Variants in RGS17 observed in about 807,000 individuals in gnomAD.
RGS17 encodes the protein regulator of G-protein signaling 17.
A neutral mutation model predicts 25.5 loss-of-function variants in RGS17; 12 were observed. The observed-to-expected ratio is 0.47, with a 90% CI of 0.30 to 0.76. The LOEUF (loss-of-function observed/expected upper bound fraction) is 0.76. Among genes scored for constraint, RGS17 ranks in the 30% least tolerant of loss-of-function variants. RGS17 has a pLI of 0.07. For missense variants in RGS17, 196 were observed against 242.2 expected (o/e 0.81, Z 1.27); for synonymous variants, 71 against 76.9 (o/e 0.92, Z 0.40).
intron 1 of RGS17, among the ~76,000 whole-genome samples, chr6:153,094,178 C>T (rs770929398): frequency 1.3e-5 from 2 of 151,696 alleles, no homozygotes; most frequent in African/African-American, 2.4e-5. Context: ...CGGGTTCAAG[C>T]GATTCTCATG....
Position 153,007,997 on chromosome 6 carries a change from AT to A in RGS17, c.*3576del, listed in dbSNP as rs1779094473. On this transcript the variant is annotated 3_prime_UTR_variant, in exon 5 of 5. Coordinates refer to ENST00000206262, the MANE Select transcript of RGS17 (RefSeq NM_012419.5). ...AACACCAAAGCATCTAATAATTGGT[AT>A]TTTTTGAGATATAATTTGTCACAAT... The A allele has an allele frequency of 6.6e-6, 1 of 152,198 alleles. No individual in the cohort carries two copies. The highest frequency in any genetic ancestry group is 2.4e-5 in the African/African-American group (1 of 41,462). The allele number at this position is 152,198 out of a possible 1,614,324, so 9.4% of individuals were successfully genotyped here. A position where few individuals can be genotyped will look rare whatever the true frequency, so the allele number is the denominator to read the frequency against.
At chr6:153,025,312 TA>T (rs764258146) in intron 3 of RGS17, among the ~76,000 whole-genome samples, 342 of 139,952 alleles carry the variant, frequency 2.4e-3, no homozygotes, top group Middle Eastern at 3.7e-3. Context: ...ATCCTGCCTC[TA>T]AAAAAAAAAA....
chr6:153,050,684 A>T (rs1390242459), intron 1 of RGS17, among the ~76,000 whole-genome samples: 1 of 152,216 alleles, frequency 6.6e-6, no homozygotes, highest in Non-Finnish European at 1.5e-5. Context: ...TTCACAATAC[A>T]CATAACCTAT....
At chr6:153,021,211 A>G (rs542039291) in intron 4 of RGS17, among the ~76,000 whole-genome samples, 14 of 152,370 alleles carry the variant, frequency 9.2e-5, no homozygotes, top group African/African-American at 3.4e-4. Flanking sequence ...TAGCAAAGGC[A>G]GGATTAAAAT....
intron 1 of RGS17, among the ~76,000 whole-genome samples, chr6:153,068,593 T>C (rs1776741775): frequency 6.6e-6 from 1 of 151,896 alleles, no homozygotes; most frequent in South Asian, 2.1e-4. Flanking sequence ...AACGCAAAAA[T>C]AGTCAAGAGG....
At chr6:153,126,101 G>A (rs916563298) in intron 1 of RGS17, among the ~76,000 whole-genome samples, 1 of 152,128 alleles carries the variant, frequency 6.6e-6, no homozygotes, top group Non-Finnish European at 1.5e-5. Context: ...TTGAAGTAAG[G>A]TATGATTCTA....
intron 1 of RGS17, among the ~76,000 whole-genome samples, chr6:153,090,883 G>A (rs916729153): frequency 6.6e-6 from 1 of 151,946 alleles, no homozygotes; most frequent in African/African-American, 2.4e-5. Flanking sequence ...GGTTTCAGGT[G>A]TCCACAGGGG....
At chr6:153,025,375 G>T (rs1779288614) in intron 3 of RGS17, among the ~76,000 whole-genome samples, 1 of 151,800 alleles carries the variant, frequency 6.6e-6, no homozygotes, top group Non-Finnish European at 1.5e-5. Context: ...CATGAATGGA[G>T]TTATCATAAT....
At chr6:153,050,834 T>A (rs1209096217) in intron 1 of RGS17, among the ~76,000 whole-genome samples, 1 of 152,192 alleles carries the variant, frequency 6.6e-6, no homozygotes, top group African/African-American at 2.4e-5. Context: ...AATTCATATG[T>A]TGAAATGTAA....
At chr6:153,116,683 A>G (rs1272308949) in intron 1 of RGS17, among the ~76,000 whole-genome samples, 3 of 152,244 alleles carry the variant, frequency 2.0e-5, no homozygotes, top group African/African-American at 7.2e-5. Context: ...CCAAAGGCCC[A>G]TGAATGACAG....
intron 1 of RGS17, among the ~76,000 whole-genome samples, chr6:153,093,154 A>G (rs1777156667): frequency 6.6e-6 from 1 of 152,324 alleles, no homozygotes; most frequent in Non-Finnish European, 1.5e-5. Context: ...ATTTGATTCT[A>G]ATTTTGAATA....
At chr6:153,019,269 A>T (rs1779215052) in intron 4 of RGS17, among the ~76,000 whole-genome samples, 1 of 152,216 alleles carries the variant, frequency 6.6e-6, no homozygotes, top group Non-Finnish European at 1.5e-5. Flanking sequence ...CACTAGGCAG[A>T]TTTCTACCTA....
intron 1 of RGS17, among the ~76,000 whole-genome samples, chr6:153,059,533 T>C (rs1338067): frequency 0.38 from 58,399 of 152,086 alleles, 11,905 homozygotes; most frequent in East Asian, 0.62. Flanking sequence ...CTGTGTGGCA[T>C]TGAATTAGTC....
intron 1 of RGS17, among the ~76,000 whole-genome samples, chr6:153,085,712 T>C (rs1777043091): frequency 1.3e-5 from 2 of 152,210 alleles, no homozygotes; most frequent in Non-Finnish European, 2.9e-5. Context: ...ATGGCATTAA[T>C]AAATATTACT....
intron 4 of RGS17, among the ~76,000 whole-genome samples, chr6:153,020,872 T>C (rs1457872123): frequency 6.6e-6 from 1 of 152,160 alleles, no homozygotes; most frequent in Non-Finnish European, 1.5e-5. Context: ...TTAACTGCCT[T>C]GAGTACTGTG....
At chr6:153,071,367 T>C (rs1776801224) in intron 1 of RGS17, among the ~76,000 whole-genome samples, 2 of 152,014 alleles carry the variant, frequency 1.3e-5, no homozygotes, top group South Asian at 4.1e-4. Flanking sequence ...GCTATTCATA[T>C]TGTCATCATA....
intron 1 of RGS17, among the ~76,000 whole-genome samples, chr6:153,115,865 G>T (rs1777536774): frequency 6.6e-6 from 1 of 152,148 alleles, no homozygotes; most frequent in Admixed American, 6.5e-5. Flanking sequence ...AAACTGGCTA[G>T]CCATATGCAG....
chr6:153,057,430 C>T (rs1218308308), intron 1 of RGS17, among the ~76,000 whole-genome samples: 1 of 152,064 alleles, frequency 6.6e-6, no homozygotes, highest in Non-Finnish European at 1.5e-5. Flanking sequence ...ATCACCACTC[C>T]CAAGCTGTAT....
chr6:153,029,997 A>G (rs1003480185), intron 2 of RGS17, among the ~76,000 whole-genome samples: 2 of 152,262 alleles, frequency 1.3e-5, no homozygotes, highest in Non-Finnish European at 1.5e-5. Context: ...AACTAAACAC[A>G]TACACAGTGC....
Sources: gnomAD v4.1 joint callset for allele counts (sites outside exome capture counted in the v4.1 genomes callset) on GRCh38, gnomAD v4.1.1 for gene constraint, MANE v1.5 for transcripts, NCBI Gene and HGNC (gene_info 2026-07-23, HGNC 2026-07-21) for gene names.